The following RASGRF2 variants were observed in gnomAD, a reference collection of about 807,000 sequenced individuals.
The protein encoded by RASGRF2 is ras-specific guanine nucleotide-releasing factor 2.
Under a neutral mutation model 151.0 loss-of-function variants are expected in RASGRF2, and 76 were observed. That is an observed-to-expected ratio of 0.50 (90% confidence interval 0.42 to 0.61). RASGRF2 has a LOEUF of 0.61. Among genes scored for constraint, RASGRF2 ranks in the 20% least tolerant of loss-of-function variants. RASGRF2 has a pLI of 0.00. For synonymous variants in RASGRF2, 504 were observed against 566.5 expected (o/e 0.89, Z 1.57); for missense variants, 1,148 against 1,564.6 (o/e 0.73, Z 4.49).
chr5:81,038,410 A>T (rs997039968), intron 1 of RASGRF2, among the ~76,000 whole-genome samples: 33 of 149,952 alleles, frequency 2.2e-4, no homozygotes, highest in African/African-American at 7.7e-4. Context: ...ATGAACTGTT[A>T]TTTTTTTTTA....
intron 23 of RASGRF2, among the ~76,000 whole-genome samples, chr5:81,214,322 C>T (rs919464355): frequency 6.6e-6 from 1 of 152,224 alleles, no homozygotes; most frequent in Non-Finnish European, 1.5e-5. Flanking sequence ...AGTGGACTGT[C>T]CCCCAGAGAG....
chr5:81,092,992 C>T (rs778630659), intron 10 of RASGRF2, 31 bp downstream of exon 10: 1 of 1,552,108 alleles, frequency 6.4e-7, no homozygotes, highest in Non-Finnish European at 8.8e-7. Flanking sequence ...TTCCATTTAT[C>T]TTCCAAGCAC....
intron 18 of RASGRF2, among the ~76,000 whole-genome samples, chr5:81,181,114 T>C (rs1340404185): frequency 6.6e-6 from 1 of 152,322 alleles, no homozygotes; most frequent in East Asian, 1.9e-4. Context: ...ATTGTCAGTC[T>C]GCTAATGAGA....
At chr5:80,971,976 C>G (rs777533687) in intron 1 of RASGRF2, among the ~76,000 whole-genome samples, 1 of 150,754 alleles carries the variant, frequency 6.6e-6, no homozygotes, top group Non-Finnish European at 1.5e-5. Flanking sequence ...CTTAAGTGAT[C>G]CTCCCACCTT....
chr5:80,964,298 C>T (rs753674502), intron 1 of RASGRF2, among the ~76,000 whole-genome samples: 3 of 151,946 alleles, frequency 2.0e-5, no homozygotes, highest in South Asian at 2.1e-4. Context: ...AAAAGGTGTC[C>T]GATGGCACTT....
Position 81,008,881 on chromosome 5 carries a change from CT to C in RASGRF2, c.289-33995del, listed in dbSNP as rs564209663. 3.9e-3 allele frequency among the ~76,000 whole-genome samples: 596 copies of C among 152,330 alleles called. 3 individuals are homozygous for C. The highest frequency in any genetic ancestry group is 0.014 in the African/African-American group (573 of 41,568). On this transcript the variant is annotated intron_variant, in intron 1 of 26. Transcript: ENST00000265080. ...TGGACATACTTCTTATCTATACAGG[CT>C]CCAGCCCATCTATTTCTTCCTTTCC...
In RASGRF2 at chr5:81,225,665, C is replaced by T; in HGVS notation, c.3622-13C>T. 6.2e-7 allele frequency: 1 copy of T among 1,610,628 alleles called. No homozygotes were observed. Among genetic ancestry groups the T allele is most frequent in the Non-Finnish European group, 8.5e-7 (1 of 1,179,022 alleles). ...GAAAGAGGTAAAAGCTGGGACTTCCCCTTTTTTTTCAGGTCGCACAGTACT... is the reference window on the plus strand; with the variant it reads ...GAAAGAGGTAAAAGCTGGGACTTCCTCTTTTTTTTCAGGTCGCACAGTACT... On this transcript the variant is annotated splice_polypyrimidine_tract_variant and intron_variant, in intron 26 of 26. Transcript: ENST00000265080.
At position 81,092,902 on chromosome 5, in the gene RASGRF2, T is replaced by C. The variant is rs765832549; in HGVS notation, c.1492T>C (p.Phe498Leu). ...GGAAGGAGAGAGACAATGCTTCTTATTTACAAAACACTTTTTAATATGTAC... is the reference window on the plus strand; with the variant it reads ...GGAAGGAGAGAGACAATGCTTCTTACTTACAAAACACTTTTTAATATGTAC... ...KKEGERQCFL[F>L]TKHFLICTRS... Residue 498 changes from phenylalanine to leucine, a missense_variant, in exon 10 of 27, where the codon TTT (phenylalanine) becomes CTT (leucine). Phe to Leu is a conservative substitution (Grantham distance 22). Coordinates refer to ENST00000265080, the MANE Select transcript of RASGRF2 (RefSeq NM_006909.3). 1.9e-6 allele frequency: 3 copies of C among 1,613,008 alleles called. No homozygotes were observed. The highest frequency in any genetic ancestry group is 2.2e-5 in the East Asian group (1 of 44,860).
chr5:81,085,219 T>A (rs1752195310), intron 7 of RASGRF2, among the ~76,000 whole-genome samples: 1 of 152,222 alleles, frequency 6.6e-6, no homozygotes, highest in South Asian at 2.1e-4. Context: ...CTCTGGTTGG[T>A]GGAGTTTCTG....
rs972044021 is a variant in RASGRF2, at chr5:81,228,780, C to A, written c.*3010C>A. On this transcript the variant is annotated 3_prime_UTR_variant, in exon 27 of 27. Coordinates refer to ENST00000265080, the MANE Select transcript of RASGRF2 (RefSeq NM_006909.3). ...CAGATTCAGGCATGAAGTAAAACGT[C>A]GTCACTTTTCCTTAGTGCTTTTCTG... is the stretch of plus-strand genomic sequence containing the variant. 6.6e-6 allele frequency: 1 copy of A among 152,170 alleles called. No individual in the cohort carries two copies. The highest frequency in any genetic ancestry group is 1.5e-5 in the Non-Finnish European group (1 of 68,032). The allele number at this position is 152,170 out of a possible 1,614,324, so 9.4% of individuals were successfully genotyped here.
At position 81,138,107 on chromosome 5, in the gene RASGRF2, C is replaced by T. The variant is rs116330262; in HGVS notation, c.2686+10944C>T. Among the ~76,000 whole-genome samples the T allele has an allele frequency of 2.2e-3, 332 of 152,222 alleles. 1 individual carries two copies. The highest frequency in any genetic ancestry group is 7.3e-3 in the African/African-American group (304 of 41,522). ...CTCCTTCTCAGAGAGAATCTGTTTT[C>T]GAGCTCTTTCTGCTGTAATCTACTG... is the stretch of plus-strand genomic sequence containing the variant. On this transcript the variant is annotated intron_variant, in intron 17 of 26. Transcript: ENST00000265080.
chr5:81,064,859 T>TATA (rs1188305986), intron 2 of RASGRF2, among the ~76,000 whole-genome samples: 1 of 152,194 alleles, frequency 6.6e-6, no homozygotes, highest in Non-Finnish European at 1.5e-5. Flanking sequence ...TTATGTTATA[T>TATA]GGCAAAGGAA....
chr5:81,115,438 C>T (rs375226929), intron 15 of RASGRF2, among the ~76,000 whole-genome samples: 20 of 152,236 alleles, frequency 1.3e-4, no homozygotes, highest in Middle Eastern at 6.8e-3. Flanking sequence ...TTGCACCCAG[C>T]GCCAGTGCTT....
chr5:81,012,580 T>A (rs529319372), intron 1 of RASGRF2, among the ~76,000 whole-genome samples: 1 of 152,270 alleles, frequency 6.6e-6, no homozygotes, highest in South Asian at 2.1e-4. Context: ...AGCTACCTTG[T>A]CCAAGGTTAT....
intron 16 of RASGRF2, 58 bp downstream of exon 16, chr5:81,123,825 A>C (rs2112566295): frequency 4.6e-6 from 7 of 1,532,292 alleles, no homozygotes; most frequent in African/African-American, 4.2e-5. Flanking sequence ...CTAGCTTCTG[A>C]ACCTTTCCTT....
chr5:80,977,006 G>A (rs1237195561), intron 1 of RASGRF2, among the ~76,000 whole-genome samples: 1 of 152,124 alleles, frequency 6.6e-6, no homozygotes, highest in Non-Finnish European at 1.5e-5. Context: ...GGTCCATAGC[G>A]TCCTCTTGTA....
intron 12 of RASGRF2, among the ~76,000 whole-genome samples, chr5:81,102,437 G>C (rs182209456): frequency 6.6e-6 from 1 of 152,336 alleles, no homozygotes; most frequent in East Asian, 1.9e-4. Context: ...GCTCATGCCT[G>C]TAATCCCAGC....
At chr5:81,034,344 G>C (rs1180761736) in intron 1 of RASGRF2, among the ~76,000 whole-genome samples, 1 of 152,150 alleles carries the variant, frequency 6.6e-6, no homozygotes, top group African/African-American at 2.4e-5. Flanking sequence ...CTTTTACACT[G>C]TTGGTGGGAC....
intron 18 of RASGRF2, among the ~76,000 whole-genome samples, 170 bp from the exon 19 acceptor site, chr5:81,201,160 A>G (rs1009348824): frequency 6.6e-6 from 1 of 152,144 alleles, no homozygotes; most frequent in Non-Finnish European, 1.5e-5. Context: ...ACAGACCACC[A>G]TTCCTAACCA....
Sources: gnomAD v4.1 joint callset for allele counts (sites outside exome capture counted in the v4.1 genomes callset) on GRCh38, gnomAD v4.1.1 for gene constraint, MANE v1.5 for transcripts, NCBI Gene and HGNC (gene_info 2026-07-23, HGNC 2026-07-21) for gene names.